FREM2: variants seen among roughly 807,000 people sequenced by gnomAD.
FREM2 encodes the protein FRAS1 related extracellular matrix 2, also known as FRAS1-related extracellular matrix protein 2.
A neutral mutation model predicts 219.9 loss-of-function variants in FREM2; 119 were observed. The ratio of observed to expected loss-of-function variants is 0.54; its 90% confidence interval spans 0.47 to 0.63. The LOEUF is 0.63. FREM2 is among the 30% of genes least tolerant of loss of function. The pLI is 0.00. For missense variants in FREM2, 4,030 were observed against 3,993.6 expected, an observed-to-expected ratio of 1.01 and a Z score of -0.25; for synonymous variants, 1,562 against 1,522.8, an observed-to-expected ratio of 1.03 and a Z score of -0.60.
At chr13:38,778,017 C>A (rs1224961872) in intron 4 of FREM2, among the ~76,000 whole-genome samples, 3 of 152,190 alleles carry the variant, frequency 2.0e-5, no homozygotes, top group Non-Finnish European at 4.4e-5. Flanking sequence ...TTTAATCAAA[C>A]CTGCATGTGT....
intron 4 of FREM2, among the ~76,000 whole-genome samples, chr13:38,771,942 A>T (rs1332860365): frequency 1.3e-5 from 2 of 152,236 alleles, no homozygotes; most frequent in Non-Finnish European, 2.9e-5. Flanking sequence ...AAATATTCTT[A>T]CTTCTAACAT....
At chr13:38,845,375 G>A (rs1327051680) in intron 6 of FREM2, among the ~76,000 whole-genome samples, 1 of 152,132 alleles carries the variant, frequency 6.6e-6, no homozygotes, top group Non-Finnish European at 1.5e-5. Context: ...ATGATATCAT[G>A]TTTTTAGTGG....
At chr13:38,816,755 G>A (rs1161675636) in intron 6 of FREM2, among the ~76,000 whole-genome samples, 1 of 152,092 alleles carries the variant, frequency 6.6e-6, no homozygotes, top group Non-Finnish European at 1.5e-5. Flanking sequence ...GAAATAAAAG[G>A]CATTCAAATT....
chr13:38,767,201 G>T (rs1228623788), intron 3 of FREM2, among the ~76,000 whole-genome samples: 1 of 152,158 alleles, frequency 6.6e-6, no homozygotes, highest in African/African-American at 2.4e-5. Context: ...GCCTGGATGG[G>T]ATATAAAATC....
intron 15 of FREM2, 62 bp downstream of exon 15, chr13:38,861,624 T>C (rs919059867): frequency 3.2e-6 from 5 of 1,571,714 alleles, no homozygotes; most frequent in Admixed American, 3.3e-5. Flanking sequence ...CCTGTTGTAT[T>C]TTCCTTCATC....
intron 6 of FREM2, among the ~76,000 whole-genome samples, chr13:38,838,294 C>G (rs1243748430): frequency 2.0e-5 from 3 of 152,166 alleles, no homozygotes; most frequent in African/African-American, 4.8e-5. Flanking sequence ...GGCCCCCACT[C>G]TCTTCTGGCT....
intron 6 of FREM2, among the ~76,000 whole-genome samples, chr13:38,799,007 C>G (rs1317873285): frequency 2.6e-5 from 4 of 151,742 alleles, no homozygotes; most frequent in Non-Finnish European, 5.9e-5. Context: ...TTATTTCTTT[C>G]CTTTTGCTAA....
chr13:38,867,934 T>C (rs1394757817), intron 16 of FREM2, among the ~76,000 whole-genome samples: 1 of 152,228 alleles, frequency 6.6e-6, no homozygotes, highest in Non-Finnish European at 1.5e-5. Flanking sequence ...GCCAGTCTTT[T>C]CTGGAAACAC....
chr13:38,781,289 T>G (rs1239167051), intron 4 of FREM2, among the ~76,000 whole-genome samples: 1 of 152,170 alleles, frequency 6.6e-6, no homozygotes. Context: ...ATGGGACATT[T>G]TATTACTACC....
Position 38,691,170 on chromosome 13 carries a change from A to G in FREM2, c.3826A>G (p.Ser1276Gly). Residue 1276 changes from serine to glycine, a missense_variant, in exon 1 of 24, where the codon AGT becomes GGT. Ser to Gly is a moderately conservative substitution (Grantham distance 56). Transcript: ENST00000280481. ...EHDDSETQED[S>G]FVIKLTDGKH... is the part of the protein sequence containing the mutation. ...TGATGACTCCGAGACCCAGGAAGAC[A>G]GTTTTGTGATTAAACTAACAGATGG... 1.2e-6 allele frequency: 2 copies of G among 1,614,148 alleles called. No individual in the cohort carries two copies. Among genetic ancestry groups the G allele is most frequent in the Non-Finnish European group, 1.7e-6 (2 of 1,180,020 alleles).
chr13:38,728,673 A>G (rs979843612), intron 2 of FREM2, among the ~76,000 whole-genome samples: 1 of 137,418 alleles, frequency 7.3e-6, no homozygotes, highest in African/African-American at 2.8e-5. Context: ...TGACCTCCCA[A>G]AGTGCTAGGA....
chr13:38,870,164 G>A (rs1011867436), intron 16 of FREM2, among the ~76,000 whole-genome samples: 1 of 152,010 alleles, frequency 6.6e-6, no homozygotes, highest in Admixed American at 6.6e-5. Context: ...ATGAAACTTT[G>A]AGGCTGGAAT....
intron 2 of FREM2, among the ~76,000 whole-genome samples, chr13:38,710,782 C>T (rs776748402): frequency 1.3e-5 from 2 of 152,096 alleles, no homozygotes; most frequent in Non-Finnish European, 2.9e-5. Context: ...CTTCAGAAGT[C>T]AAGAGAAAAA....
At chr13:38,879,651 G>A (rs183250522) in intron 23 of FREM2, among the ~76,000 whole-genome samples, 1 of 152,304 alleles carries the variant, frequency 6.6e-6, no homozygotes, top group African/African-American at 2.4e-5. Flanking sequence ...ACCTAAGGAA[G>A]GATCTTAAGA....
At chr13:38,766,385 G>T (rs538951122) in intron 3 of FREM2, among the ~76,000 whole-genome samples, 3 of 152,102 alleles carry the variant, frequency 2.0e-5, no homozygotes, top group Non-Finnish European at 4.4e-5. Context: ...TTAGTAACCT[G>T]GGGTGATAGA....
chr13:38,690,664 T>C lies in FREM2; in HGVS notation c.3320T>C (p.Val1107Ala). 6.2e-7 allele frequency: 1 copy of C among 1,613,950 alleles called. No homozygotes were observed. Among genetic ancestry groups the C allele is most frequent in the South Asian group, 1.1e-5 (1 of 91,078 alleles). The change falls in exon 1 of 24, where the codon GTT becomes GCT. Residue 1107 changes from valine (V) to alanine (A), a missense_variant. Around this residue, in one of 2 missense-constraint regions of FREM2, gnomAD observed 3,102 missense variants for 2,950.7 expected, o/e 1.05. Transcript: ENST00000280481. The stretch of plus-strand genomic sequence containing the variant: ...AATGATGACATCTTGTGCACTATAG[T>C]TATTCAGCCTACTTCAGGTTATGTT... ...SLNDDILCTI[V>A]IQPTSGYVEN...
At chr13:38,733,334 A>G (rs1360013181) in intron 2 of FREM2, among the ~76,000 whole-genome samples, 2 of 148,340 alleles carry the variant, frequency 1.3e-5, no homozygotes, top group Admixed American at 1.3e-4. Flanking sequence ...TTTTCTAATG[A>G]TGGTAAGATT....
intron 2 of FREM2, among the ~76,000 whole-genome samples, chr13:38,722,379 T>C (rs1871315776): frequency 6.6e-6 from 1 of 152,070 alleles, no homozygotes; most frequent in Admixed American, 6.6e-5. Flanking sequence ...TATATATATG[T>C]TTTTTAAACA....
intron 2 of FREM2, among the ~76,000 whole-genome samples, chr13:38,754,145 G>A (rs1872887553): frequency 6.6e-6 from 1 of 151,968 alleles, no homozygotes; most frequent in Admixed American, 6.6e-5. Context: ...TAGCTTCCCT[G>A]GATTTTGGCT....
Sources: allele counts gnomAD v4.1 joint callset (sites outside exome capture counted in the v4.1 genomes callset), GRCh38; gene constraint gnomAD v4.1.1; regional missense constraint gnomAD v4.1.1; transcripts MANE v1.5; gene names NCBI Gene and HGNC (gene_info 2026-07-23, HGNC 2026-07-21).